The following ARHGAP15 variants were observed in gnomAD, a reference collection of about 807,000 sequenced individuals.
ARHGAP15 encodes the protein Rho GTPase activating protein 15.
Under a neutral mutation model 63.7 loss-of-function variants are expected in ARHGAP15, and 51 were observed. The observed-to-expected ratio is 0.80, with a 90% CI of 0.64 to 1.01. ARHGAP15 has a LOEUF of 1.01. ARHGAP15 is among the 50% of genes least tolerant of loss of function. The probability of loss-of-function intolerance (pLI) is 0.00; values close to 1 mark genes in which losing one functional copy is unlikely to be tolerated. For missense variants in ARHGAP15, 560 were observed against 564.6 expected (o/e 0.99, Z 0.08); for synonymous variants, 191 against 193.8 (o/e 0.99, Z 0.12).
intron 13 of ARHGAP15, among the ~76,000 whole-genome samples, chr2:143,767,651 C>T (rs2072968298): frequency 6.6e-6 from 1 of 152,110 alleles, no homozygotes; most frequent in South Asian, 2.1e-4. Flanking sequence ...ATGCCTCTCA[C>T]CTGTTTCCTC....
intron 6 of ARHGAP15, among the ~76,000 whole-genome samples, chr2:143,365,381 A>T (rs149741261): frequency 6.6e-6 from 1 of 152,332 alleles, no homozygotes; most frequent in African/African-American, 2.4e-5. Context: ...TCTGGCAATC[A>T]TCCTTTCAGA....
chr2:143,569,969 G>A (rs1696385546), intron 11 of ARHGAP15, among the ~76,000 whole-genome samples: 2 of 152,118 alleles, frequency 1.3e-5, no homozygotes, highest in African/African-American at 4.8e-5. Flanking sequence ...CAATTTTCAT[G>A]TCACCTCTTA....
chr2:143,253,747 TA>T, intron 6 of ARHGAP15, among the ~76,000 whole-genome samples: 1 of 149,548 alleles, frequency 6.7e-6, no homozygotes, highest in Non-Finnish European at 1.5e-5. Flanking sequence ...TATATATACT[TA>T]TATACATAAA....
At chr2:143,436,498 C>T (rs576723959) in intron 7 of ARHGAP15, among the ~76,000 whole-genome samples, 1 of 152,204 alleles carries the variant, frequency 6.6e-6, no homozygotes, top group Admixed American at 6.5e-5. Flanking sequence ...TGTGAGTGCA[C>T]ATACATACAT....
At chr2:143,695,033 C>T (rs911440780) in intron 12 of ARHGAP15, among the ~76,000 whole-genome samples, 1 of 151,936 alleles carries the variant, frequency 6.6e-6, no homozygotes, top group African/African-American at 2.4e-5. Flanking sequence ...GGATTTCCAC[C>T]CTTATGAAAA....
chr2:143,607,370 A>AT (rs1294316756), intron 11 of ARHGAP15, among the ~76,000 whole-genome samples: 1 of 152,194 alleles, frequency 6.6e-6, no homozygotes, highest in Non-Finnish European at 1.5e-5. Flanking sequence ...AATAACCCTG[A>AT]TAATTTAGAA....
chr2:143,585,696 C>T lies in ARHGAP15; in HGVS notation c.1003+29211C>T, dbSNP rs1050604996. Among the ~76,000 whole-genome samples the T allele has an allele frequency of 4.6e-5, 7 of 152,202 alleles. No homozygotes were observed. In the South Asian group the frequency reaches 1.0e-3, roughly 23 times the overall value. ...TAATAAAAAGTGTTTTTATTTTAGACCAAATCTTTCTCATTGATGAGGAAA... is the reference window on the plus strand; with the variant it reads ...TAATAAAAAGTGTTTTTATTTTAGATCAAATCTTTCTCATTGATGAGGAAA... On this transcript the variant is annotated intron_variant, in intron 11 of 13. Coordinates refer to ENST00000295095, the MANE Select transcript of ARHGAP15 (RefSeq NM_018460.4).
chr2:143,497,097 G>C (rs1440168112), intron 9 of ARHGAP15, among the ~76,000 whole-genome samples: 1 of 152,150 alleles, frequency 6.6e-6, no homozygotes, highest in Admixed American at 6.5e-5. Flanking sequence ...AACAAGTGGA[G>C]GCAGGCTTTG....
At chr2:143,289,964 T>C (rs916326595) in intron 6 of ARHGAP15, among the ~76,000 whole-genome samples, 1 of 152,204 alleles carries the variant, frequency 6.6e-6, no homozygotes, top group Non-Finnish European at 1.5e-5. Flanking sequence ...TGAAAGGACT[T>C]TCTTAAATAC....
At chr2:143,289,528 G>C (rs1379849752) in intron 6 of ARHGAP15, among the ~76,000 whole-genome samples, 1 of 152,144 alleles carries the variant, frequency 6.6e-6, no homozygotes, top group East Asian at 1.9e-4. Flanking sequence ...GAAGGCAGTA[G>C]ACACGATAGC....
At chr2:143,648,277 C>T (rs2105291876) in intron 12 of ARHGAP15, among the ~76,000 whole-genome samples, 1 of 152,108 alleles carries the variant, frequency 6.6e-6, no homozygotes, top group South Asian at 2.1e-4. Context: ...AGCAAGTATC[C>T]TGCTATTTGT....
chr2:143,370,361 G>T (rs932815857), intron 6 of ARHGAP15, among the ~76,000 whole-genome samples: 3 of 152,094 alleles, frequency 2.0e-5, no homozygotes, highest in Non-Finnish European at 4.4e-5. Flanking sequence ...GGTGGGGGAA[G>T]GGGGGAGGGA....
chr2:143,457,379 A>C (rs370082684), intron 8 of ARHGAP15, among the ~76,000 whole-genome samples: 1 of 152,148 alleles, frequency 6.6e-6, no homozygotes, highest in East Asian at 1.9e-4. Flanking sequence ...TCTCCACAAA[A>C]AATAAAATAC....
intron 6 of ARHGAP15, among the ~76,000 whole-genome samples, chr2:143,301,402 TTTC>T (rs1456596384): frequency 6.6e-6 from 1 of 152,004 alleles, no homozygotes; most frequent in East Asian, 1.9e-4. Flanking sequence ...AATTTATCAT[TTTC>T]TTAAAGGTGA....
At chr2:143,248,229 C>G (rs905235303) in intron 5 of ARHGAP15, among the ~76,000 whole-genome samples, 1 of 152,106 alleles carries the variant, frequency 6.6e-6, no homozygotes, top group Non-Finnish European at 1.5e-5. Flanking sequence ...AAGAAGACCT[C>G]TGACAAGGTG....
At chr2:143,166,543 G>T (rs1690543110) in intron 2 of ARHGAP15, among the ~76,000 whole-genome samples, 1 of 152,044 alleles carries the variant, frequency 6.6e-6, no homozygotes, top group Non-Finnish European at 1.5e-5. Context: ...ACCTGGAATA[G>T]CCCAGACTCT....
chr2:143,587,740 C>A (rs1255623657), intron 11 of ARHGAP15: 1 of 470,542 alleles, frequency 2.1e-6, no homozygotes, highest in South Asian at 1.6e-5. Context: ...CTGTGGACAC[C>A]CCTAGTAAGC....
intron 2 of ARHGAP15, among the ~76,000 whole-genome samples, chr2:143,195,062 T>G (rs1691836781): frequency 6.6e-6 from 1 of 152,132 alleles, no homozygotes; most frequent in Admixed American, 6.6e-5. Context: ...AATCCACACT[T>G]TTTTAAAAAT....
chr2:143,202,908 GAATA>G (rs936150884), intron 3 of ARHGAP15, among the ~76,000 whole-genome samples: 2 of 152,046 alleles, frequency 1.3e-5, no homozygotes, highest in African/African-American at 4.8e-5. Flanking sequence ...TAACATGAAT[GAATA>G]AAGTATTATA....
Sources: gnomAD v4.1 joint callset for allele counts (sites outside exome capture counted in the v4.1 genomes callset) on GRCh38, gnomAD v4.1.1 for gene constraint, MANE v1.5 for transcripts, NCBI Gene and HGNC (gene_info 2026-07-23, HGNC 2026-07-21) for gene names.